Variants in TMEM132C observed in about 807,000 individuals in gnomAD.
TMEM132C encodes protein phosphatase 1, regulatory subunit 152.
Under a neutral mutation model 61.4 loss-of-function variants are expected in TMEM132C, and 29 were observed. The observed-to-expected ratio is 0.47, with a 90% CI of 0.35 to 0.64. The LOEUF is 0.64. Ranked by LOEUF, TMEM132C falls within the 30% of genes least tolerant of loss-of-function variation. The pLI is 0.00. For missense variants in TMEM132C, 1,408 were observed against 1,476.9 expected (o/e 0.95, Z 0.76); for synonymous variants, 656 against 633.1 (o/e 1.04, Z -0.54).
rs202023285 is a variant in TMEM132C at position 128,383,034 on chromosome 12, C to CTG, written c.86-31689_86-31688dup. ...TCTGTGTATCTGTGTGTATGCATGT[C>CTG]TGTGTGTGTGCACGTGAGCATCTGT... On this transcript the variant is annotated intron_variant, in intron 1 of 8. Coordinates refer to ENST00000435159, the MANE Select transcript of TMEM132C (RefSeq NM_001136103.3). Among the ~76,000 whole-genome samples, 529 of 151,788 alleles carry CTG rather than the reference C, an allele frequency of 3.5e-3. 4 individuals are homozygous for CTG. Among genetic ancestry groups the CTG allele is most frequent in the African/African-American group, 0.012 (517 of 41,402 alleles).
In TMEM132C at chr12:128,544,068, G is replaced by A. The variant is rs1873858107; in HGVS notation, c.1086G>A (p.Val362=). 6.5e-7 allele frequency: 1 copy of A among 1,544,470 alleles called. No individual in the cohort carries two copies. Among genetic ancestry groups the A allele is most frequent in the Non-Finnish European group, 8.7e-7 (1 of 1,143,636 alleles). Residue 362 remains valine, a synonymous_variant, in exon 3 of 9, where the codon GTG becomes GTA. Transcript: ENST00000435159. ...GSGGKHVTAT[V]ACQRLGPSPR... ...GCGGAAAGCACGTGACGGCCACCGT[G>A]GCCTGCCAGCGCCTGGGGCCCAGCC...
At position 128,697,288 on chromosome 12, in the gene TMEM132C, T is replaced by C. The variant is rs1320327171; in HGVS notation, c.1994T>C (p.Val665Ala). The change falls in exon 8 of 9, where the codon GTA (valine) becomes GCA (alanine). Residue 665 changes from valine to alanine, a missense_variant. Transcript: ENST00000435159. ...ACAATAACCGTGCTAGATGACAAAG[T>C]ATCGGTGACAGACTTGGCCATCCAG... The part of the protein sequence containing the change: ...EKTITVLDDK[V>A]SVTDLAIQLV... 5 of 1,549,678 alleles carry C rather than the reference T, an allele frequency of 3.2e-6. No homozygotes were observed. Among genetic ancestry groups the C allele is most frequent in the Non-Finnish European group, 4.4e-6 (5 of 1,145,288 alleles).
chr12:128,404,207 A>G (rs1875260900), intron 1 of TMEM132C, among the ~76,000 whole-genome samples: 1 of 152,142 alleles, frequency 6.6e-6, no homozygotes, highest in Non-Finnish European at 1.5e-5. Context: ...AGGGGATGTT[A>G]TTTTTATTTT....
intron 2 of TMEM132C, among the ~76,000 whole-genome samples, chr12:128,492,388 A>G (rs1871770372): frequency 6.6e-6 from 1 of 152,198 alleles, no homozygotes. Flanking sequence ...GCTGGGTCAA[A>G]TGGTATTTCT....
chr12:128,497,409 G>A (rs980869523), intron 2 of TMEM132C, among the ~76,000 whole-genome samples: 13 of 152,324 alleles, frequency 8.5e-5, no homozygotes, highest in East Asian at 3.9e-4. Flanking sequence ...CTTTTGTTTG[G>A]CTATGCCCTG....
At chr12:128,496,122 G>A (rs1301221948) in intron 2 of TMEM132C, among the ~76,000 whole-genome samples, 1 of 152,060 alleles carries the variant, frequency 6.6e-6, no homozygotes, top group African/African-American at 2.4e-5. Context: ...GAAATTCTGG[G>A]TTGAAAATTC....
At chr12:128,537,559 G>T (rs1873577250) in intron 2 of TMEM132C, among the ~76,000 whole-genome samples, 1 of 152,208 alleles carries the variant, frequency 6.6e-6, no homozygotes, top group African/African-American at 2.4e-5. Flanking sequence ...GTTCTGCAGA[G>T]TTTATTGGCA....
At position 128,415,640 on chromosome 12, in the gene TMEM132C, C is replaced by T; in HGVS notation, c.974+20C>T. On this transcript the variant is annotated intron_variant, in intron 2 of 8. Transcript: ENST00000435159. This position sits in a 1 kb window ranked among gnomAD's most constrained non-coding sequence, Gnocchi z 5.8. Reference sequence around the variant, plus strand: ...CTTGAGGTAGGTGCCCATGCTTGCCCCTGATCATCTTTGGCATGCCTGGTG... The same window carrying T: ...CTTGAGGTAGGTGCCCATGCTTGCCTCTGATCATCTTTGGCATGCCTGGTG... 1.3e-6 allele frequency: 2 copies of T among 1,496,774 alleles called. No individual in the cohort carries two copies. The highest frequency in any genetic ancestry group is 1.8e-6 in the Non-Finnish European group (2 of 1,116,762). The allele number at this position is 1,496,774 out of a possible 1,614,324, so 92.7% of individuals were successfully genotyped here.
chr12:128,328,327 C>A (rs924429590), intron 1 of TMEM132C, among the ~76,000 whole-genome samples: 3 of 151,918 alleles, frequency 2.0e-5, no homozygotes, highest in Non-Finnish European at 4.4e-5. Context: ...ATGGATAAGA[C>A]CAAATTGGGA....
chr12:128,572,287 T>G (rs549269748), intron 3 of TMEM132C, among the ~76,000 whole-genome samples: 9 of 145,498 alleles, frequency 6.2e-5, no homozygotes, highest in Non-Finnish European at 1.0e-4. Flanking sequence ...GTCACATGCG[T>G]ACTGTGGCCT....
intron 3 of TMEM132C, among the ~76,000 whole-genome samples, chr12:128,590,950 T>C (rs1593111525): frequency 6.6e-6 from 1 of 152,112 alleles, no homozygotes; most frequent in Admixed American, 6.5e-5. Flanking sequence ...CTAGTTTTTA[T>C]AATTTTATGA....
chr12:128,458,572 C>A (rs1187692840), intron 2 of TMEM132C, among the ~76,000 whole-genome samples: 1 of 152,028 alleles, frequency 6.6e-6, no homozygotes, highest in Non-Finnish European at 1.5e-5. Context: ...GGCACCTTTC[C>A]CATCATGGGG....
intron 2 of TMEM132C, among the ~76,000 whole-genome samples, chr12:128,477,726 C>T (rs1415569161): frequency 2.0e-5 from 3 of 152,114 alleles, no homozygotes; most frequent in Non-Finnish European, 4.4e-5. Flanking sequence ...ATTATAGGCA[C>T]CCGCCGTCAC....
chr12:128,634,613 C>T (rs1055361587), intron 4 of TMEM132C, among the ~76,000 whole-genome samples: 5 of 152,234 alleles, frequency 3.3e-5, no homozygotes, highest in African/African-American at 1.2e-4. Context: ...GTGAGTGACA[C>T]CTCCTGAGAT....
intron 2 of TMEM132C, among the ~76,000 whole-genome samples, chr12:128,480,079 G>C (rs1376373935): frequency 6.6e-6 from 1 of 152,040 alleles, no homozygotes; most frequent in Non-Finnish European, 1.5e-5. Flanking sequence ...GCGATGTAGT[G>C]GGACCACATC....
intron 5 of TMEM132C, among the ~76,000 whole-genome samples, chr12:128,678,488 C>A (rs754571146): frequency 8.5e-5 from 13 of 152,196 alleles, no homozygotes; most frequent in Non-Finnish European, 1.8e-4. Flanking sequence ...AGCCTCAGTT[C>A]TTTCATCTGC....
intron 1 of TMEM132C, among the ~76,000 whole-genome samples, chr12:128,385,901 C>G (rs1489246417): frequency 1.3e-5 from 2 of 152,108 alleles, no homozygotes; most frequent in African/African-American, 4.8e-5. Flanking sequence ...GTGGACAGGG[C>G]TTGTATCTCC....
chr12:128,398,032 C>G (rs1188704735), intron 1 of TMEM132C, among the ~76,000 whole-genome samples: 1 of 152,074 alleles, frequency 6.6e-6, no homozygotes, highest in Non-Finnish European at 1.5e-5. Flanking sequence ...ACGTTAAGAC[C>G]GAGATGGATG....
chr12:128,628,180 C>G (rs1428587023), intron 4 of TMEM132C, among the ~76,000 whole-genome samples: 1 of 152,214 alleles, frequency 6.6e-6, no homozygotes, highest in Non-Finnish European at 1.5e-5. Context: ...CTGGTCTCCC[C>G]TGCTCAATGC....
Sources: allele counts gnomAD v4.1 joint callset (sites outside exome capture counted in the v4.1 genomes callset), GRCh38; gene constraint gnomAD v4.1.1; non-coding constraint Gnocchi (gnomAD v3.1); transcripts MANE v1.5; gene names NCBI Gene and HGNC (gene_info 2026-07-23, HGNC 2026-07-21).